PDGFD: variants seen among roughly 807,000 people sequenced by gnomAD.
PDGFD encodes the protein platelet-derived growth factor D.
A neutral mutation model predicts 44.7 loss-of-function variants in PDGFD; 30 were observed. That is an observed-to-expected ratio of 0.67 (90% CI 0.50 to 0.91). The LOEUF (loss-of-function observed/expected upper bound fraction) is 0.91, where lower values mean the gene tolerates loss of function less well. Among genes scored for constraint, PDGFD ranks in the 40% least tolerant of loss-of-function variants. The pLI is 0.00. For synonymous variants in PDGFD, 173 were observed against 168.4 expected, an observed-to-expected ratio of 1.03 and a Z score of -0.21; for missense variants, 445 against 457.8, an observed-to-expected ratio of 0.97 and a Z score of 0.25.
chr11:103,907,644 G>T lies in PDGFD; in HGVS notation c.*2050C>A, dbSNP rs1857956567. On this transcript the variant is annotated 3_prime_UTR_variant, in exon 7 of 7. Coordinates refer to ENST00000393158, the MANE Select transcript of PDGFD (RefSeq NM_025208.5). Reference sequence around the variant, plus strand: ...CTTGCTGGTTATTGCAGCCTGGAAGGTTTATTGAAAACTGGGTAGAACACT... The same window carrying T: ...CTTGCTGGTTATTGCAGCCTGGAAGTTTTATTGAAAACTGGGTAGAACACT... 1 of 152,180 alleles carries T rather than the reference G, an allele frequency of 6.6e-6. No individual in the cohort carries two copies. The highest frequency in any genetic ancestry group is 1.5e-5 in the Non-Finnish European group (1 of 68,042). 9.4% of individuals were successfully genotyped at this position (152,180 alleles called of 1,614,324 possible).
intron 1 of PDGFD, among the ~76,000 whole-genome samples, chr11:104,021,648 C>T (rs1289140149): frequency 6.6e-6 from 1 of 152,138 alleles, no homozygotes; most frequent in Admixed American, 6.6e-5. Context: ...ACTCTGGGAG[C>T]CAGCACCATC....
chr11:104,027,735 A>T (rs1425240857), intron 1 of PDGFD, among the ~76,000 whole-genome samples: 2 of 152,200 alleles, frequency 1.3e-5, no homozygotes, highest in Non-Finnish European at 2.9e-5. Flanking sequence ...GTCCTTTTAT[A>T]AAAAAATAGA....
At chr11:103,938,703 C>A (rs1158911574) in intron 5 of PDGFD, among the ~76,000 whole-genome samples, 1 of 152,198 alleles carries the variant, frequency 6.6e-6, no homozygotes, top group Non-Finnish European at 1.5e-5. Context: ...ACATTTAAGT[C>A]TTTAATCCAT....
At chr11:103,977,106 A>C (rs1418235357) in intron 3 of PDGFD, among the ~76,000 whole-genome samples, 1 of 152,110 alleles carries the variant, frequency 6.6e-6, no homozygotes. Flanking sequence ...AAATGGATAG[A>C]TTTCTAGACA....
chr11:103,992,008 C>T (rs1859461538), intron 3 of PDGFD, among the ~76,000 whole-genome samples: 1 of 152,138 alleles, frequency 6.6e-6, no homozygotes, highest in Admixed American at 6.5e-5. Flanking sequence ...AGATTCCTAA[C>T]CATCCAACCA....
chr11:104,138,074 G>A (rs1862036988), intron 1 of PDGFD, among the ~76,000 whole-genome samples: 1 of 152,160 alleles, frequency 6.6e-6, no homozygotes, highest in East Asian at 1.9e-4. Flanking sequence ...CTTGACCTAT[G>A]TTATGAAGAC....
At chr11:104,153,371 T>G (rs886534777) in intron 1 of PDGFD, among the ~76,000 whole-genome samples, 5 of 152,208 alleles carry the variant, frequency 3.3e-5, no homozygotes, top group Non-Finnish European at 7.3e-5. Flanking sequence ...GTGAGGATGT[T>G]CAGCTGTATT....
At chr11:104,145,263 A>G (rs1862146305) in intron 1 of PDGFD, among the ~76,000 whole-genome samples, 1 of 152,166 alleles carries the variant, frequency 6.6e-6, no homozygotes, top group Admixed American at 6.5e-5. Flanking sequence ...AATGAATGTC[A>G]TTAACCAGTG....
At chr11:103,938,676 T>G (rs894124431) in intron 5 of PDGFD, among the ~76,000 whole-genome samples, 1 of 152,250 alleles carries the variant, frequency 6.6e-6, no homozygotes. Context: ...TCTAGGGATT[T>G]TATGGTTTTA....
At chr11:104,136,795 CA>C (rs1862011569) in intron 1 of PDGFD, among the ~76,000 whole-genome samples, 1 of 152,134 alleles carries the variant, frequency 6.6e-6, no homozygotes, top group African/African-American at 2.4e-5. Context: ...ACCAATCTGT[CA>C]TCACTTTTAT....
At chr11:104,106,176 T>G (rs1198384343) in intron 1 of PDGFD, among the ~76,000 whole-genome samples, 1 of 152,192 alleles carries the variant, frequency 6.6e-6, no homozygotes, top group Admixed American at 6.6e-5. Context: ...TAATAAACTA[T>G]GTAATCTCAA....
chr11:103,929,242 A>T (rs1289796124), intron 5 of PDGFD, among the ~76,000 whole-genome samples: 1 of 152,150 alleles, frequency 6.6e-6, no homozygotes, highest in African/African-American at 2.4e-5. Flanking sequence ...TTTGCTCCAT[A>T]GTCTCTGTCA....
At chr11:103,911,413 CAGAA>C (rs2134298120) in intron 6 of PDGFD, among the ~76,000 whole-genome samples, 1 of 152,250 alleles carries the variant, frequency 6.6e-6, no homozygotes, top group East Asian at 1.9e-4. Flanking sequence ...AAGTAACAAA[CAGAA>C]AGGAATAGTA....
chr11:103,993,055 TTTTGTTTG>T lies in PDGFD; in HGVS notation c.510+3002_510+3009del, dbSNP rs143505931. On this transcript the variant is annotated intron_variant, in intron 3 of 6. Transcript: ENST00000393158. ...AGCACCTTGACTTCTCGTGTGCTGT[TTTTGTTTG>T]TTTGTTTGTTTGTTTGTTTGTTTTT... is the stretch of plus-strand genomic sequence containing the variant. Among the ~76,000 whole-genome samples the T allele has an allele frequency of 1.9e-3, 290 of 151,588 alleles. 4 individuals carry two copies. The highest frequency in any genetic ancestry group is 5.3e-3 in the African/African-American group (221 of 41,346).
At chr11:104,068,903 C>T (rs1860833205) in intron 1 of PDGFD, among the ~76,000 whole-genome samples, 11 of 152,064 alleles carry the variant, frequency 7.2e-5, no homozygotes. Flanking sequence ...TCCCCTTACC[C>T]CTAAATATTT....
At chr11:103,957,899 T>C (rs1328915402) in intron 3 of PDGFD, among the ~76,000 whole-genome samples, 2 of 152,214 alleles carry the variant, frequency 1.3e-5, no homozygotes, top group East Asian at 3.8e-4. Flanking sequence ...GGTCATACCA[T>C]GGTGTTTGGT....
At chr11:103,990,715 A>G (rs1859436855) in intron 3 of PDGFD, among the ~76,000 whole-genome samples, 1 of 152,160 alleles carries the variant, frequency 6.6e-6, no homozygotes, top group African/African-American at 2.4e-5. Flanking sequence ...TGCTGTAGGG[A>G]TTACTGTCCT....
intron 1 of PDGFD, among the ~76,000 whole-genome samples, chr11:104,004,232 A>G (rs998335330): frequency 2.0e-5 from 3 of 152,290 alleles, no homozygotes; most frequent in African/African-American, 7.2e-5. Context: ...TAGTTTGATT[A>G]AGACAGTACA....
intron 1 of PDGFD, among the ~76,000 whole-genome samples, chr11:104,106,118 AGCAGAGTAAAT>A (rs1300141021): frequency 6.6e-6 from 1 of 152,294 alleles, no homozygotes; most frequent in East Asian, 1.9e-4. Flanking sequence ...TGAACTGAGG[AGCAGAGTAAAT>A]CATTGGTAGA....
Sources: allele counts gnomAD v4.1 joint callset (sites outside exome capture counted in the v4.1 genomes callset), GRCh38; gene constraint gnomAD v4.1.1; transcripts MANE v1.5; gene names NCBI Gene and HGNC (gene_info 2026-07-23, HGNC 2026-07-21).